Variants in NTRK2 observed in about 807,000 individuals in gnomAD.
NTRK2 encodes the protein neurotrophic receptor tyrosine kinase 2.
A neutral mutation model predicts 94.5 loss-of-function variants in NTRK2; 13 were observed. The observed-to-expected ratio is 0.14, with a 90% CI of 0.09 to 0.22. The LOEUF (loss-of-function observed/expected upper bound fraction) is 0.22. Ranked by LOEUF, NTRK2 falls within the 10% of genes least tolerant of loss-of-function variation. The pLI is 1.00. For missense variants in NTRK2, 639 were observed against 1,071.2 expected (o/e 0.60, Z 5.63); for synonymous variants, 372 against 407.4 (o/e 0.91, Z 1.05).
At chr9:84,877,414 G>T in intron 14 of NTRK2, 1 of 1,066,058 alleles carries the variant, frequency 9.4e-7, no homozygotes, top group Non-Finnish European at 1.1e-6. Flanking sequence ...GGAGAGAGGG[G>T]ACTTTGAGTG....
At chr9:85,019,022 T>C (rs1236084339) in intron 17 of NTRK2, among the ~76,000 whole-genome samples, 4 of 152,234 alleles carry the variant, frequency 2.6e-5, no homozygotes, top group Non-Finnish European at 5.9e-5. Flanking sequence ...TGTACTCTTG[T>C]GCTTTCTTTG....
At chr9:84,996,879 G>C (rs761191259) in intron 17 of NTRK2, among the ~76,000 whole-genome samples, 1 of 152,226 alleles carries the variant, frequency 6.6e-6, no homozygotes, top group African/African-American at 2.4e-5. Flanking sequence ...GGCTTAGCTA[G>C]ATTTTCTAGT....
intron 12 of NTRK2, among the ~76,000 whole-genome samples, chr9:84,841,197 A>T (rs774088474): frequency 6.6e-6 from 1 of 152,166 alleles, no homozygotes; most frequent in Non-Finnish European, 1.5e-5. Context: ...TCCGAACTGT[A>T]GGCTCGTATG....
At chr9:84,807,856 A>C (rs191875339) in intron 12 of NTRK2, among the ~76,000 whole-genome samples, 2 of 152,302 alleles carry the variant, frequency 1.3e-5, no homozygotes, top group East Asian at 3.9e-4. Context: ...TATGTAGTGA[A>C]ATATCTTTAG....
intron 14 of NTRK2, 130 bp from the exon 15 acceptor site, chr9:84,934,032 C>T: frequency 2.0e-6 from 2 of 978,560 alleles, no homozygotes; most frequent in Non-Finnish European, 3.2e-6. Flanking sequence ...CACCCAGCTT[C>T]TTCGGTTCAC....
intron 14 of NTRK2, chr9:84,877,326 T>C (rs563291868): frequency 9.4e-7 from 1 of 1,065,984 alleles, no homozygotes; most frequent in Non-Finnish European, 1.1e-6. Flanking sequence ...AGAACTTTGG[T>C]GTGAGGGCGG....
chr9:84,923,394 C>T (rs1300827690), intron 14 of NTRK2, among the ~76,000 whole-genome samples: 1 of 152,174 alleles, frequency 6.6e-6, no homozygotes, highest in Non-Finnish European at 1.5e-5. Flanking sequence ...ATTTCTCTTA[C>T]CTATTCCTGT....
At chr9:84,679,971 C>G (rs887445103) in intron 2 of NTRK2, among the ~76,000 whole-genome samples, 1 of 152,062 alleles carries the variant, frequency 6.6e-6, no homozygotes, top group African/African-American at 2.4e-5. Context: ...TGGCCCACTT[C>G]TGTGGATGAG....
chr9:84,867,847 G>A (rs768131386), intron 14 of NTRK2, among the ~76,000 whole-genome samples: 4 of 152,194 alleles, frequency 2.6e-5, no homozygotes, highest in Non-Finnish European at 4.4e-5. Context: ...CTAGGTAGTT[G>A]GGAAGGCACT....
At chr9:84,939,048 A>G (rs2078307279) in intron 15 of NTRK2, among the ~76,000 whole-genome samples, 1 of 108,646 alleles carries the variant, frequency 9.2e-6, no homozygotes, top group Non-Finnish European at 1.8e-5. Flanking sequence ...TGAGACCCCA[A>G]CTCAAAAAAA....
chr9:84,807,557 T>A (rs760712132), intron 12 of NTRK2, among the ~76,000 whole-genome samples: 20 of 152,326 alleles, frequency 1.3e-4, no homozygotes, highest in Non-Finnish European at 2.6e-4. Context: ...ACCATCGGAA[T>A]GCTACAAATG....
At chr9:84,777,967 G>A (rs777980344) in intron 12 of NTRK2, among the ~76,000 whole-genome samples, 5 of 152,040 alleles carry the variant, frequency 3.3e-5, no homozygotes, top group African/African-American at 7.2e-5. Flanking sequence ...TTGATTTTTC[G>A]AAAAAGCTTT....
At chr9:84,933,747 CTT>C (rs2078118966) in intron 14 of NTRK2, among the ~76,000 whole-genome samples, 1 of 152,190 alleles carries the variant, frequency 6.6e-6, no homozygotes, top group African/African-American at 2.4e-5. Context: ...TCTGAGATGG[CTT>C]AACCAATAAT....
At chr9:85,005,095 C>T (rs953397572) in intron 17 of NTRK2, among the ~76,000 whole-genome samples, 5 of 152,134 alleles carry the variant, frequency 3.3e-5, no homozygotes, top group African/African-American at 1.2e-4. Flanking sequence ...CACAGTCAGA[C>T]CTGCTTTGTT....
intron 12 of NTRK2, among the ~76,000 whole-genome samples, chr9:84,833,229 G>A (rs1357952644): frequency 6.6e-6 from 1 of 152,028 alleles, no homozygotes; most frequent in East Asian, 1.9e-4. Flanking sequence ...AGCTTGGGCT[G>A]CACACTAAAA....
intron 2 of NTRK2, among the ~76,000 whole-genome samples, chr9:84,677,839 C>T (rs573794087): frequency 6.6e-6 from 1 of 152,312 alleles, no homozygotes; most frequent in East Asian, 1.9e-4. Flanking sequence ...TTCTCCTGTT[C>T]AGCTCCTGAG....
intron 14 of NTRK2, among the ~76,000 whole-genome samples, chr9:84,887,452 C>T (rs1023179857): frequency 3.9e-5 from 6 of 152,196 alleles, no homozygotes; most frequent in East Asian, 1.9e-4. Flanking sequence ...AATTAAGTAC[C>T]CCCTGGAGGG....
chr9:84,852,664 G>T (rs896645711), intron 12 of NTRK2, among the ~76,000 whole-genome samples: 2 of 152,194 alleles, frequency 1.3e-5, no homozygotes, highest in African/African-American at 4.8e-5. Flanking sequence ...AAAACTCAGT[G>T]TTGTATGTAG....
chr9:84,850,210 A>G (rs1165918958), intron 12 of NTRK2, among the ~76,000 whole-genome samples: 4 of 148,192 alleles, frequency 2.7e-5, no homozygotes, highest in East Asian at 4.0e-4. Flanking sequence ...TCTGGTGGGG[A>G]AAAAAAAAAC....
Sources: gnomAD v4.1 joint callset for allele counts (sites outside exome capture counted in the v4.1 genomes callset) on GRCh38, gnomAD v4.1.1 for gene constraint, MANE v1.5 for transcripts, NCBI Gene and HGNC (gene_info 2026-07-23, HGNC 2026-07-21) for gene names.